Variants in ADGRL2 observed in about 807,000 individuals in gnomAD.
ADGRL2 encodes adhesion G protein-coupled receptor L2.
A neutral mutation model predicts 157.4 loss-of-function variants in ADGRL2; 44 were observed. The observed-to-expected ratio is 0.28, with a 90% confidence interval of 0.22 to 0.36. The LOEUF is 0.36. Among genes scored for constraint, ADGRL2 ranks in the 10% least tolerant of loss-of-function variants. The pLI, the probability that ADGRL2 is intolerant of heterozygous loss-of-function variation, is 1.00. For synonymous variants in ADGRL2, 585 were observed against 624.7 expected (o/e 0.94, Z 0.95); for missense variants, 1,510 against 1,768.9 (o/e 0.85, Z 2.63).
chr1:81,419,745 G>A (rs897971730), intron 1 of ADGRL2, among the ~76,000 whole-genome samples: 26 of 152,162 alleles, frequency 1.7e-4, no homozygotes, highest in African/African-American at 6.3e-4. Flanking sequence ...GGAGAAGTCT[G>A]ACCCTGGCTT....
intron 3 of ADGRL2, among the ~76,000 whole-genome samples, chr1:81,620,368 T>C (rs1215556084): frequency 6.6e-6 from 1 of 152,216 alleles, no homozygotes; most frequent in Non-Finnish European, 1.5e-5. Context: ...AGTACATGGT[T>C]TTATGGATTC....
At chr1:81,919,147 G>A (rs972132408) in intron 3 of ADGRL2, among the ~76,000 whole-genome samples, 1 of 151,938 alleles carries the variant, frequency 6.6e-6, no homozygotes, top group African/African-American at 2.4e-5. Flanking sequence ...CAGAGATTTA[G>A]GATTTGGGAG....
intron 2 of ADGRL2, among the ~76,000 whole-genome samples, chr1:81,524,613 C>A (rs962226266): frequency 1.3e-5 from 2 of 151,714 alleles, no homozygotes; most frequent in Non-Finnish European, 2.9e-5. Flanking sequence ...AATAATTTAT[C>A]CAAATATGAA....
chr1:81,531,097 A>T (rs1433519991), intron 2 of ADGRL2, among the ~76,000 whole-genome samples: 1 of 151,948 alleles, frequency 6.6e-6, no homozygotes, highest in Non-Finnish European at 1.5e-5. Context: ...AAAAAAAAAA[A>T]AGAAAGAAAG....
chr1:81,527,928 G>A (rs1415298088), intron 2 of ADGRL2, among the ~76,000 whole-genome samples: 1 of 151,744 alleles, frequency 6.6e-6, no homozygotes, highest in Non-Finnish European at 1.5e-5. Flanking sequence ...TTAGCCGGGT[G>A]CGGTTGCATG....
intron 1 of ADGRL2, among the ~76,000 whole-genome samples, chr1:81,386,083 G>C (rs1311571278): frequency 6.6e-6 from 1 of 151,990 alleles, no homozygotes; most frequent in East Asian, 1.9e-4. Flanking sequence ...AGGTTTCAAT[G>C]TCTCTAACTT....
At chr1:81,889,575 G>A (rs2094210616) in intron 2 of ADGRL2, among the ~76,000 whole-genome samples, 1 of 152,066 alleles carries the variant, frequency 6.6e-6, no homozygotes, top group South Asian at 2.1e-4. Context: ...ACATAGAAGT[G>A]GGAGGTAAAG....
Position 81,914,153 on chromosome 1 carries a change from T to C in ADGRL2, c.287+6923T>C, listed in dbSNP as rs77473157. Among the ~76,000 whole-genome samples, 129 of 152,230 alleles carry C rather than the reference T, an allele frequency of 8.5e-4. 1 individual carries two copies. The East Asian group carries it at 0.023, about 27-fold the overall frequency. ...TATAGATTTCGGCTTGTGTATACTC[T>C]CGTTGACGTACAGTCCTCTCAACTT... On this transcript the variant is annotated intron_variant, in intron 3 of 23. Coordinates refer to ENST00000686636, the MANE Select transcript of ADGRL2 (RefSeq NM_001366006.2).
At chr1:81,930,472 T>C (rs2148756829) in intron 3 of ADGRL2, among the ~76,000 whole-genome samples, 1 of 152,306 alleles carries the variant, frequency 6.6e-6, no homozygotes, top group South Asian at 2.1e-4. Context: ...TATTGAGACC[T>C]GAGAACATTG....
At chr1:81,515,796 A>G (rs1357021586) in intron 2 of ADGRL2, among the ~76,000 whole-genome samples, 1 of 152,184 alleles carries the variant, frequency 6.6e-6, no homozygotes, top group Non-Finnish European at 1.5e-5. Context: ...TAAATATAAG[A>G]TTATACAGCA....
intron 3 of ADGRL2, among the ~76,000 whole-genome samples, chr1:81,612,858 T>G (rs1046239340): frequency 3.3e-5 from 5 of 152,120 alleles, no homozygotes; most frequent in Non-Finnish European, 7.4e-5. Flanking sequence ...AAAATCACAA[T>G]GAGCTATCAC....
chr1:81,525,613 C>T (rs1023430201), intron 2 of ADGRL2, among the ~76,000 whole-genome samples: 4 of 152,148 alleles, frequency 2.6e-5, no homozygotes, highest in African/African-American at 9.7e-5. Flanking sequence ...CCACCATACC[C>T]TGCCTATAAA....
At chr1:81,656,330 G>A (rs1404067850) in intron 3 of ADGRL2, among the ~76,000 whole-genome samples, 1 of 152,206 alleles carries the variant, frequency 6.6e-6, no homozygotes, top group Non-Finnish European at 1.5e-5. Context: ...CCTCACTGAA[G>A]TTAAGAAGTC....
At chr1:81,679,379 G>T (rs982512950) in intron 3 of ADGRL2, among the ~76,000 whole-genome samples, 3 of 150,458 alleles carry the variant, frequency 2.0e-5, no homozygotes, top group Non-Finnish European at 4.4e-5. Flanking sequence ...ATGAGGACAG[G>T]TCTTCCAGCT....
chr1:81,850,705 A>G (rs1024256661), intron 2 of ADGRL2, among the ~76,000 whole-genome samples: 1 of 151,958 alleles, frequency 6.6e-6, no homozygotes, highest in Non-Finnish European at 1.5e-5. Flanking sequence ...ACAGTACAAT[A>G]CAGTAAGCCA....
At chr1:81,597,565 G>A (rs781092439) in intron 3 of ADGRL2, among the ~76,000 whole-genome samples, 10 of 152,102 alleles carry the variant, frequency 6.6e-5, no homozygotes, top group African/African-American at 1.9e-4. Flanking sequence ...AGGTAGAACA[G>A]GCATTATTGT....
At chr1:81,331,923 A>C (rs896776034) in intron 1 of ADGRL2, among the ~76,000 whole-genome samples, 7 of 152,124 alleles carry the variant, frequency 4.6e-5, no homozygotes, top group African/African-American at 1.7e-4. Flanking sequence ...TAATTTTAGA[A>C]AGCACAAAAA....
chr1:81,542,946 C>G (rs2079920526), intron 2 of ADGRL2, among the ~76,000 whole-genome samples: 1 of 151,378 alleles, frequency 6.6e-6, no homozygotes, highest in South Asian at 2.1e-4. Flanking sequence ...CTGCCAACAA[C>G]AGTTTATGTT....
intron 2 of ADGRL2, among the ~76,000 whole-genome samples, chr1:81,457,449 C>G (rs968940482): frequency 1.3e-5 from 2 of 151,936 alleles, no homozygotes; most frequent in African/African-American, 4.8e-5. Context: ...GAAAATTTTT[C>G]TTTTCTTTTT....
Sources: gnomAD v4.1 joint callset for allele counts (sites outside exome capture counted in the v4.1 genomes callset) on GRCh38, gnomAD v4.1.1 for gene constraint, MANE v1.5 for transcripts, NCBI Gene and HGNC (gene_info 2026-07-23, HGNC 2026-07-21) for gene names.